MTMR1: variants seen among roughly 807,000 people sequenced by gnomAD.
The protein encoded by MTMR1 is myotubularin related protein 1.
MTMR1 carries 17 observed loss-of-function variants against 51.6 expected under a neutral mutation model. The observed-to-expected ratio is 0.33, with a 90% CI of 0.23 to 0.49. MTMR1 has a LOEUF of 0.49. MTMR1 is among the 20% of genes least tolerant of loss of function. The pLI, the probability that MTMR1 is intolerant of heterozygous loss-of-function variation, is 0.99. For missense variants in MTMR1, 386 were observed against 526.9 expected, an observed-to-expected ratio of 0.73 and a Z score of 2.62; for synonymous variants, 201 against 205.6, an observed-to-expected ratio of 0.98 and a Z score of 0.19.
intron 2 of MTMR1, among the ~76,000 whole-genome samples, chrX:150,703,729 C>G (rs1305692906): frequency 8.9e-6 from 1 of 112,059 alleles, no homozygotes; most frequent in African/African-American, 3.2e-5. Context: ...CCTTCAAAAT[C>G]TACTTCTGTA....
intron 3 of MTMR1, chrX:150,712,839 G>C: frequency 2.1e-6 from 1 of 468,567 alleles, no homozygotes; most frequent in Non-Finnish European, 2.9e-6. Context: ...TGCTAATCTT[G>C]AAGCTAAATT....
intron 6 of MTMR1, among the ~76,000 whole-genome samples, chrX:150,729,243 C>CACAT (rs2042040002): frequency 9.0e-6 from 1 of 110,548 alleles, no homozygotes; most frequent in African/African-American, 3.3e-5. Context: ...CACACACACA[C>CACAT]ACATCCCAGA....
chrX:150,698,575 G>A (rs782226356), intron 1 of MTMR1, among the ~76,000 whole-genome samples: 3 of 110,440 alleles, frequency 2.7e-5, no homozygotes, highest in Admixed American at 9.7e-5. Flanking sequence ...GGTGGCTCAT[G>A]CCTGTAATCC....
intron 12 of MTMR1, among the ~76,000 whole-genome samples, chrX:150,738,659 G>A (rs1237910023): frequency 9.0e-6 from 1 of 111,313 alleles, no homozygotes; most frequent in Non-Finnish European, 1.9e-5. Context: ...CACCCCTGCT[G>A]TCTCTCTGGG....
At chrX:150,751,474 A>G (rs2042727581) in intron 14 of MTMR1, among the ~76,000 whole-genome samples, 1 of 111,475 alleles carries the variant, frequency 9.0e-6, no homozygotes, top group Non-Finnish European at 1.9e-5. Context: ...AGGAGAAAGC[A>G]GTCTGTCAGT....
chrX:150,733,634 G>C (rs2042181064), intron 10 of MTMR1, among the ~76,000 whole-genome samples: 2 of 111,067 alleles, frequency 1.8e-5, no homozygotes, highest in Admixed American at 9.6e-5. Flanking sequence ...TCTGCCACTT[G>C]GTGCTCTAGA....
intron 15 of MTMR1, among the ~76,000 whole-genome samples, chrX:150,756,536 C>T (rs1054714121): frequency 8.9e-6 from 1 of 111,803 alleles, no homozygotes; most frequent in Non-Finnish European, 1.9e-5. Context: ...CTGCCCCGCA[C>T]CCCCAGTCTC....
At chrX:150,748,896 C>T (rs1394117588) in intron 13 of MTMR1, among the ~76,000 whole-genome samples, 1 of 111,520 alleles carries the variant, frequency 9.0e-6, no homozygotes, top group East Asian at 2.8e-4. Flanking sequence ...TGTGAGGCCA[C>T]TGTCAGAGTT....
chrX:150,732,491 A>C (rs782092420), intron 9 of MTMR1, 51 bp from the exon 10 acceptor site: 2 of 1,061,228 alleles, frequency 1.9e-6, no homozygotes, highest in Non-Finnish European at 2.5e-6. Context: ...AGGTAATTAG[A>C]GCATACATTC....
intron 15 of MTMR1, among the ~76,000 whole-genome samples, chrX:150,758,829 C>G (rs1265347457): frequency 2.7e-5 from 3 of 111,588 alleles, no homozygotes; most frequent in Non-Finnish European, 5.6e-5. Flanking sequence ...TTATCTCTCC[C>G]TTTAGACTTT....
In MTMR1 at chrX:150,730,509, T is replaced by C; in HGVS notation, c.658-16T>C. The C allele has an allele frequency of 9.1e-7, 1 of 1,101,885 alleles. No individual in the cohort carries two copies. Among genetic ancestry groups the C allele is most frequent in the Non-Finnish European group, 1.2e-6 (1 of 816,798 alleles). The allele number at this position is 1,101,885 out of a possible 1,213,427, so 90.8% of individuals were successfully genotyped here. A position where few individuals can be genotyped will look rare whatever the true frequency, so the allele number is the denominator to read the frequency against. On this transcript the variant is annotated splice_polypyrimidine_tract_variant and intron_variant, in intron 7 of 15. Transcript: ENST00000445323. ...AAGAAATAGTAACATATGTGTTTTG[T>C]GGTTTTTGTGTCCAGGCACTATTTG... is the stretch of plus-strand genomic sequence containing the variant.
chrX:150,736,208 A>G (rs1284814323), intron 10 of MTMR1: 1 of 130,328 alleles, frequency 7.7e-6, no homozygotes, highest in Non-Finnish European at 1.5e-5. Context: ...GAGAAGAGAC[A>G]GACACAGACA....
intron 4 of MTMR1, among the ~76,000 whole-genome samples, chrX:150,724,889 G>T (rs1394541411): frequency 8.9e-6 from 1 of 111,777 alleles, no homozygotes; most frequent in Non-Finnish European, 1.9e-5. Context: ...GAGGGTTGTA[G>T]GTGTGCACCC....
At chrX:150,743,475 T>G (rs782746370) in intron 12 of MTMR1, among the ~76,000 whole-genome samples, 2 of 112,738 alleles carry the variant, frequency 1.8e-5, no homozygotes, top group Admixed American at 1.9e-4. Context: ...ATTAAAATTT[T>G]TTTTATAAAG....
intron 1 of MTMR1, among the ~76,000 whole-genome samples, chrX:150,694,429 G>T (rs1275556940): frequency 9.0e-6 from 1 of 111,560 alleles, no homozygotes; most frequent in East Asian, 2.8e-4. Context: ...ATGGCCTATC[G>T]TGTAACCCGG....
Position 150,730,171 on chromosome X carries a change from A to C in MTMR1, c.618A>C (p.Glu206Asp), listed in dbSNP as rs1557416921. 1.7e-6 allele frequency: 2 copies of C among 1,203,521 alleles called. No individual in the cohort carries two copies. The highest frequency in any genetic ancestry group is 3.6e-5 in the South Asian group (2 of 55,455). Residue 206 changes from glutamate (E) to aspartate (D), a missense_variant, in exon 7 of 16, where the codon GAA (glutamate) becomes GAC (aspartate). By Grantham distance (45) the Glu-to-Asp change is conservative. Coordinates refer to ENST00000445323, the MANE Select transcript of MTMR1 (RefSeq NM_001306144.3). ...AACAGAGTAAACTAGGGATATTTGA[A>C]AACCTCAACAAACATGCATTTCCTC... ...QEEQSKLGIFENLNKHAFPLS... is the reference protein window; with the variant it reads ...QEEQSKLGIFDNLNKHAFPLS...
At chrX:150,727,945 G>T (rs782635538) in intron 6 of MTMR1, among the ~76,000 whole-genome samples, 154 bp downstream of exon 6, 27 of 111,508 alleles carry the variant, frequency 2.4e-4, no homozygotes, top group Non-Finnish European at 4.7e-4. Flanking sequence ...ATCTCATATC[G>T]AATTTAAACT....
Position 150,764,412 on chromosome X carries a change from T to C in MTMR1, c.*1683T>C, listed in dbSNP as rs932282487. 3.6e-5 allele frequency: 4 copies of C among 112,533 alleles called. No homozygotes were observed. Among genetic ancestry groups the C allele is most frequent in the Non-Finnish European group, 5.6e-5 (3 of 53,335 alleles). The allele number at this position is 112,533 out of a possible 1,213,427, so 9.3% of individuals were successfully genotyped here. On this transcript the variant is annotated 3_prime_UTR_variant, in exon 16 of 16. Transcript: ENST00000445323. The stretch of plus-strand genomic sequence containing the variant: ...AAGTCGTGTTCAACAATAGCTTTTA[T>C]GTTCCTAACATATCTGAAAGCTTAT...
In MTMR1 at chrX:150,744,584, C is replaced by T. The variant is rs1276029020; in HGVS notation, c.1566+131C>T. The T allele has an allele frequency of 5.6e-6, 3 of 531,639 alleles. No individual in the cohort carries two copies. In the African/African-American group the frequency reaches 7.2e-5, roughly 13 times the overall value. The allele number at this position is 531,639 out of a possible 1,213,427, so 43.8% of individuals were successfully genotyped here. A position where few individuals can be genotyped will look rare whatever the true frequency, so the allele number is the denominator to read the frequency against. ...CCCCATTATTTAACACAATTTGATT[C>T]TAATTCGCTTAGAAATATAAGCAGA... On this transcript the variant is annotated intron_variant, in intron 13 of 15. Transcript: ENST00000445323.
Sources: gnomAD v4.1 joint callset for allele counts (sites outside exome capture counted in the v4.1 genomes callset) on GRCh38, gnomAD v4.1.1 for gene constraint, MANE v1.5 for transcripts, NCBI Gene and HGNC (gene_info 2026-07-23, HGNC 2026-07-21) for gene names.